NKAP: variants seen among roughly 807,000 people sequenced by gnomAD.
NKAP encodes NFKB activating protein.
A neutral mutation model predicts 35.6 loss-of-function variants in NKAP; 4 were observed. That is an observed-to-expected ratio of 0.11 (90% CI 0.06 to 0.26). The LOEUF (loss-of-function observed/expected upper bound fraction) is 0.26, where lower values mean the gene tolerates loss of function less well. Among genes scored for constraint, NKAP ranks in the 10% least tolerant of loss-of-function variants. The pLI, the probability that NKAP is intolerant of heterozygous loss-of-function variation, is 1.00. For missense variants in NKAP, 238 were observed against 321.9 expected (o/e 0.74, Z 1.99); for synonymous variants, 106 against 119.2 (o/e 0.89, Z 0.72).
chrX:119,931,786 G>A, intron 7 of NKAP, 150 bp downstream of exon 7: 1 of 492,955 alleles, frequency 2.0e-6, no homozygotes, highest in Non-Finnish European at 3.5e-6. Context: ...GTTGCAAAGT[G>A]CACATTAAGC....
In NKAP at chrX:119,921,937, G is replaced by C. The variant is rs1159078419; in HGVS notation, c.*3283C>G. Reference sequence around the variant, plus strand: ...GCTCACTGCAACCTCCACCTCCCAGGTTCAAGCAATTCTCCTGCCTCAGCC... The same window carrying C: ...GCTCACTGCAACCTCCACCTCCCAGCTTCAAGCAATTCTCCTGCCTCAGCC... On this transcript the variant is annotated 3_prime_UTR_variant, in exon 9 of 9. Transcript: ENST00000371410. The C allele has an allele frequency of 9.0e-6, 1 of 111,379 alleles. No individual in the cohort carries two copies. Among genetic ancestry groups the C allele is most frequent in the African/African-American group, 3.3e-5 (1 of 30,673 alleles). The allele number at this position is 111,379 out of a possible 1,213,427, so 9.2% of individuals were successfully genotyped here.
chrX:119,931,965 T>A lies in NKAP; in HGVS notation c.894A>T (p.Thr298=), dbSNP rs1437223244. ...AAGGTTTATCATCTTGAGAGGTAAG[T>A]GTTTTTGGAGCCTCTGGGCCAATTA... is the stretch of plus-strand genomic sequence containing the variant. ...SDLIGPEAPK[T]LTSQDDKPLN... The change falls in exon 7 of 9, where the codon ACA becomes ACT. Residue 298 remains threonine, a synonymous_variant. Coordinates refer to ENST00000371410, the MANE Select transcript of NKAP (RefSeq NM_024528.4). 8.3e-7 allele frequency: 1 copy of A among 1,204,097 alleles called. No individual in the cohort carries two copies. Among genetic ancestry groups the A allele is most frequent in the Non-Finnish European group, 1.1e-6 (1 of 890,399 alleles).
chrX:119,925,929 CTTT>C (rs1305744041), intron 8 of NKAP, among the ~76,000 whole-genome samples: 4 of 46,446 alleles, frequency 8.6e-5, no homozygotes, highest in South Asian at 2.7e-3. Context: ...ATCCTTTTTT[CTTT>C]TTTTTTTTTT....
rs981329323 is a variant in NKAP, at chrX:119,924,558, T to G, written c.*662A>C. On this transcript the variant is annotated 3_prime_UTR_variant, in exon 9 of 9. Coordinates refer to ENST00000371410, the MANE Select transcript of NKAP (RefSeq NM_024528.4). ...GGCGCCCACCACCACGCCCGGCTAA[T>G]TTTTGTATTTTTTGGTAGAGACAGG... The G allele has an allele frequency of 2.7e-5, 3 of 109,673 alleles. No homozygotes were observed. The highest frequency in any genetic ancestry group is 9.9e-5 in the African/African-American group (3 of 30,155). 9.0% of individuals were successfully genotyped at this position (109,673 alleles called of 1,213,427 possible). A position where few individuals can be genotyped will look rare whatever the true frequency, so the allele number is the denominator to read the frequency against.
At chrX:119,927,184 C>G (rs11260211) in intron 8 of NKAP, among the ~76,000 whole-genome samples, 14,635 of 106,228 alleles carry the variant, frequency 0.14, 1,406 homozygotes, top group African/African-American at 0.34. Context: ...GGCATAATCT[C>G]GGCTTATTGC....
chrX:119,942,790 C>T (rs1019694134), intron 1 of NKAP: 2 of 117,015 alleles, frequency 1.7e-5, no homozygotes, highest in South Asian at 3.6e-4. Flanking sequence ...ATTCAACAAG[C>T]AATGGTTGAG....
At position 119,933,429 on chromosome X, in the gene NKAP, G is replaced by A. The variant is rs140614300; in HGVS notation, c.737+1065C>T. 4.2e-3 allele frequency among the ~76,000 whole-genome samples: 466 copies of A among 111,715 alleles called. 3 individuals are homozygous for A. Among genetic ancestry groups the A allele is most frequent in the African/African-American group, 0.015 (454 of 30,766 alleles). On this transcript the variant is annotated intron_variant, in intron 5 of 8. Transcript: ENST00000371410. ...GACAACCAGACATTATTTGCCTCCT[G>A]ACAGTAAACAGCACCACTTATGAAG... is the stretch of plus-strand genomic sequence containing the variant.
At chrX:119,934,182 C>T (rs911298410) in intron 5 of NKAP, among the ~76,000 whole-genome samples, 4 of 109,048 alleles carry the variant, frequency 3.7e-5, no homozygotes, top group Non-Finnish European at 5.7e-5. Context: ...CCTGTAATCC[C>T]AGCACTTTGG....
At chrX:119,932,955 C>T (rs1251472130) in intron 5 of NKAP, among the ~76,000 whole-genome samples, 1 of 106,867 alleles carries the variant, frequency 9.4e-6, no homozygotes, top group African/African-American at 3.5e-5. Flanking sequence ...TGCATTCCAG[C>T]CTGGGTGACA....
chrX:119,934,448 A>AAAAAAAC, intron 5 of NKAP, 46 bp downstream of exon 5: 1 of 759,687 alleles, frequency 1.3e-6, no homozygotes, highest in African/African-American at 2.4e-5. Context: ...AAAAAAAAAA[A>AAAAAAAC]AAAAAAAGAA....
intron 4 of NKAP, 113 bp downstream of exon 4, chrX:119,936,184 T>C: frequency 7.1e-6 from 6 of 847,458 alleles, no homozygotes; most frequent in Non-Finnish European, 1.0e-5. Flanking sequence ...TTAGCAAGTG[T>C]TCAAAAACTC....
At chrX:119,925,934 TTTTTTTTTTTTA>T (rs1569471200) in intron 8 of NKAP, among the ~76,000 whole-genome samples, 5 of 94,992 alleles carry the variant, frequency 5.3e-5, no homozygotes, top group Non-Finnish European at 8.2e-5. Flanking sequence ...TTTTTCTTTT[TTTTTTTTTTTTA>T]ATTTTTTTTT....
Position 119,932,124 on chromosome X carries a change from G to A in NKAP, c.830C>T (p.Pro277Leu), listed in dbSNP as rs2056744452. 1 of 1,207,683 alleles carries A rather than the reference G, an allele frequency of 8.3e-7. No individual in the cohort carries two copies. Among genetic ancestry groups the A allele is most frequent in the African/African-American group, 1.7e-5 (1 of 57,561 alleles). Residue 277 changes from proline (P) to leucine (L), a missense_variant, in exon 6 of 9, where the codon CCC becomes CTC. Pro to Leu is a moderately conservative substitution (Grantham distance 98). Transcript: ENST00000371410. ...KESQEEFLEN[P>L]WKDRTKAEEP... ...GAACCTACTTGTTCGATCCTTCCAG[G>A]GATTTTCCAGAAACTCTTCTTGGGA...
At position 119,925,207 on chromosome X, in the gene NKAP, A is replaced by G. The variant is rs766431364; in HGVS notation, c.*13T>C. On this transcript the variant is annotated 3_prime_UTR_variant, in exon 9 of 9. Transcript: ENST00000371410. ...TTGTTGTTAAAAATGTCTTCTGGAC[A>G]ATCAGAAAATCTTTATTTGTCATCC... The G allele has an allele frequency of 8.3e-7, 1 of 1,205,041 alleles. No homozygotes were observed. Among genetic ancestry groups the G allele is most frequent in the Admixed American group, 2.2e-5 (1 of 44,571 alleles).
intron 5 of NKAP, 62 bp downstream of exon 5, chrX:119,934,430 CAA>C (rs369386190): frequency 0.023 from 4,201 of 180,715 alleles, no homozygotes; most frequent in East Asian, 0.027. Flanking sequence ...GACTCTGTCT[CAA>C]AAAAAAAAAA....
At chrX:119,935,701 T>C (rs1296482616) in intron 4 of NKAP, among the ~76,000 whole-genome samples, 1 of 111,440 alleles carries the variant, frequency 9.0e-6, no homozygotes, top group African/African-American at 3.3e-5. Context: ...CTTTGTGTAA[T>C]GTGTTAACCT....
intron 1 of NKAP, among the ~76,000 whole-genome samples, chrX:119,942,297 A>G (rs895384373): frequency 2.7e-5 from 3 of 110,448 alleles, no homozygotes; most frequent in East Asian, 2.8e-4. Flanking sequence ...ACATGGTGAA[A>G]CCCTGTCTCT....
chrX:119,941,496 G>A lies in NKAP; in HGVS notation c.386+1724C>T, dbSNP rs778636235. ...TCCCCCTTTTAATGATGAAGAAATGGAGCCCAGAGAGGTTAAGTAACTTGA... is the reference window on the plus strand; with the variant it reads ...TCCCCCTTTTAATGATGAAGAAATGAAGCCCAGAGAGGTTAAGTAACTTGA... On this transcript the variant is annotated intron_variant, in intron 1 of 8. Coordinates refer to ENST00000371410, the MANE Select transcript of NKAP (RefSeq NM_024528.4). Among the ~76,000 whole-genome samples, 4 of 112,115 alleles carry A rather than the reference G, an allele frequency of 3.6e-5. No individual in the cohort carries two copies. In the South Asian group the frequency reaches 1.5e-3, roughly 41 times the overall value.
At chrX:119,925,929 C>CTTTTTTTTTTTT (rs1305744041) in intron 8 of NKAP, among the ~76,000 whole-genome samples, 9 of 46,367 alleles carry the variant, frequency 1.9e-4, no homozygotes, top group South Asian at 2.7e-3. Context: ...ATCCTTTTTT[C>CTTTTTTTTTTTT]TTTTTTTTTT....
Sources: allele counts gnomAD v4.1 joint callset (sites outside exome capture counted in the v4.1 genomes callset), GRCh38; gene constraint gnomAD v4.1.1; transcripts MANE v1.5; gene names NCBI Gene and HGNC (gene_info 2026-07-23, HGNC 2026-07-21).